The following FOXO1 variants were observed in gnomAD, a reference collection of about 807,000 sequenced individuals.
The protein encoded by FOXO1 is forkhead box protein O1.
A neutral mutation model predicts 44.1 loss-of-function variants in FOXO1; 6 were observed. That is an observed-to-expected ratio of 0.14 (90% confidence interval 0.07 to 0.27). FOXO1 has a LOEUF of 0.27. FOXO1 is among the 10% of genes least tolerant of loss of function. FOXO1 has a pLI of 1.00. For missense variants in FOXO1, 737 were observed against 888.8 expected (o/e 0.83, Z 2.17); for synonymous variants, 380 against 362.7 (o/e 1.05, Z -0.54).
intron 1 of FOXO1, among the ~76,000 whole-genome samples, chr13:40,630,512 A>C (rs982606192): frequency 5.9e-5 from 9 of 152,076 alleles, no homozygotes; most frequent in Non-Finnish European, 1.0e-4. Flanking sequence ...AAATGTAGCC[A>C]GGTGCAGTGG....
intron 1 of FOXO1, among the ~76,000 whole-genome samples, chr13:40,594,598 A>G (rs1395413147): frequency 6.6e-6 from 1 of 152,192 alleles, no homozygotes; most frequent in South Asian, 2.1e-4. Flanking sequence ...TTTCTCCAAT[A>G]AAGAGCACAA....
intron 1 of FOXO1, among the ~76,000 whole-genome samples, chr13:40,661,539 C>T (rs1566088086): frequency 2.0e-5 from 3 of 152,102 alleles, no homozygotes; most frequent in Admixed American, 1.3e-4. Flanking sequence ...TCAGGCAATC[C>T]GCCCACCTTA....
chr13:40,621,270 G>T lies in FOXO1; in HGVS notation c.630+44313C>A. On this transcript the variant is annotated intron_variant, in intron 1 of 2. Transcript: ENST00000379561. ...GCATGAATTTCATATTCATTGTACT[G>T]ACCGATGGCTCTCAGAGAATTTCAC... 3 of 802,868 alleles carry T rather than the reference G, an allele frequency of 3.7e-6. No homozygotes were observed. The South Asian group carries it at 4.7e-5, about 13-fold the overall frequency. 49.7% of individuals were successfully genotyped at this position (802,868 alleles called of 1,614,324 possible).
At chr13:40,610,067 T>C (rs1296805666) in intron 1 of FOXO1, among the ~76,000 whole-genome samples, 1 of 152,186 alleles carries the variant, frequency 6.6e-6, no homozygotes, top group Non-Finnish European at 1.5e-5. Context: ...TCGACGTAAC[T>C]GCTTTCCTTT....
At chr13:40,567,298 CGT>C (rs1874306702) in intron 1 of FOXO1, among the ~76,000 whole-genome samples, 1 of 151,888 alleles carries the variant, frequency 6.6e-6, no homozygotes, top group Non-Finnish European at 1.5e-5. Context: ...CTTCATACCC[CGT>C]GTTTTATATT....
chr13:40,653,431 G>A (rs765920261), intron 1 of FOXO1, among the ~76,000 whole-genome samples: 4 of 152,220 alleles, frequency 2.6e-5, no homozygotes, highest in East Asian at 1.9e-4. Flanking sequence ...CCTGGTACCC[G>A]CAGAGGAAAT....
chr13:40,654,322 TAAAAAAAAAAAAAAA>T (rs11344939), intron 1 of FOXO1, among the ~76,000 whole-genome samples: 97 of 48,212 alleles, frequency 2.0e-3, no homozygotes, highest in Admixed American at 9.0e-3. Flanking sequence ...CTAAAAATAC[TAAAAAAAAAAAAAAA>T]AAAAAAAAAA....
intron 1 of FOXO1, among the ~76,000 whole-genome samples, chr13:40,617,275 G>A (rs1416112203): frequency 2.0e-5 from 3 of 152,002 alleles, no homozygotes; most frequent in African/African-American, 4.8e-5. Context: ...GAGAAGACTC[G>A]CCTCTACTAA....
chr13:40,558,156 A>G lies in FOXO1; in HGVS notation c.*893T>C, dbSNP rs1368741309. 1 of 152,630 alleles carries G rather than the reference A, an allele frequency of 6.6e-6. No homozygotes were observed. Among genetic ancestry groups the G allele is most frequent in the Non-Finnish European group, 1.5e-5 (1 of 68,034 alleles). The allele number at this position is 152,630 out of a possible 1,614,324, so 9.5% of individuals were successfully genotyped here. A position where few individuals can be genotyped will look rare whatever the true frequency, so the allele number is the denominator to read the frequency against. On this transcript the variant is annotated 3_prime_UTR_variant, in exon 3 of 3. Coordinates refer to ENST00000379561, the MANE Select transcript of FOXO1 (RefSeq NM_002015.4). ...TAATCCAGTTAGAATACAAAATGAA[A>G]ATTATGAATGCTGCCCCAAATACCT... is the stretch of plus-strand genomic sequence containing the variant.
rs572840244 is a variant in FOXO1, at chr13:40,632,933, GA to G, written c.630+32649del. On this transcript the variant is annotated intron_variant, in intron 1 of 2. Transcript: ENST00000379561. ...TCTCAAAAAAAAAAAAAAAGGAAAA[GA>G]AAAAAAAAGGGCGAAGGATCTGAGT... Among the ~76,000 whole-genome samples, 8 of 141,210 alleles carry G rather than the reference GA, an allele frequency of 5.7e-5. No homozygotes were observed. In the East Asian group the frequency reaches 6.1e-4, roughly 11 times the overall value. The allele number at this position is 141,210 out of a possible 152,430, so 92.6% of individuals were successfully genotyped here. A position where few individuals can be genotyped will look rare whatever the true frequency, so the allele number is the denominator to read the frequency against.
chr13:40,599,406 A>G (rs1438206134), intron 1 of FOXO1, among the ~76,000 whole-genome samples: 1 of 152,212 alleles, frequency 6.6e-6, no homozygotes, highest in Non-Finnish European at 1.5e-5. Context: ...CCACAGCCTT[A>G]CACGATTGGC....
chr13:40,589,034 G>A (rs1460548988), intron 1 of FOXO1, among the ~76,000 whole-genome samples: 1 of 152,154 alleles, frequency 6.6e-6, no homozygotes, highest in East Asian at 1.9e-4. Flanking sequence ...GAATCCAGCA[G>A]GCAGAGGTTG....
At chr13:40,570,815 A>G (rs1166786717) in intron 1 of FOXO1, among the ~76,000 whole-genome samples, 1 of 152,218 alleles carries the variant, frequency 6.6e-6, no homozygotes, top group Admixed American at 6.5e-5. Context: ...ATTCAATACT[A>G]TGGGCTCTAT....
In FOXO1 at chr13:40,569,057, T is replaced by C. The variant is rs543277125; in HGVS notation, c.631-8197A>G. ...CCTTACCTATGGTCTCAAACCGCTA[T>C]AGACACAAATTTAGTTACACAGCTT... On this transcript the variant is annotated intron_variant, in intron 1 of 2. Transcript: ENST00000379561. Among the ~76,000 whole-genome samples the C allele has an allele frequency of 4.7e-4, 71 of 152,358 alleles. 2 individuals carry two copies. The South Asian group carries it at 0.013, about 29-fold the overall frequency.
rs768972372 is a variant in FOXO1 at position 40,575,174 on chromosome 13, TA to T, written c.631-14315del. ...CAATGAGACCATCCTGTCTCTACAT[TA>T]AAAAAAAAAAAATCAAAAAGTTAGG... On this transcript the variant is annotated intron_variant, in intron 1 of 2. Coordinates refer to ENST00000379561, the MANE Select transcript of FOXO1 (RefSeq NM_002015.4). Among the ~76,000 whole-genome samples the T allele has an allele frequency of 4.1e-3, 584 of 143,792 alleles. 4 individuals carry two copies. The highest frequency in any genetic ancestry group is 0.021 in the East Asian group (106 of 4,988). The allele number at this position is 143,792 out of a possible 152,430, so 94.3% of individuals were successfully genotyped here.
At chr13:40,576,900 A>T (rs1261129252) in intron 1 of FOXO1, among the ~76,000 whole-genome samples, 4 of 152,166 alleles carry the variant, frequency 2.6e-5, no homozygotes, top group African/African-American at 9.7e-5. Context: ...TTGAAGGTTT[A>T]TTTTTGTTCC....
chr13:40,619,450 A>G, intron 1 of FOXO1: 2 of 1,215,768 alleles, frequency 1.6e-6, no homozygotes, highest in Non-Finnish European at 2.4e-6. Flanking sequence ...TCAAAATTGG[A>G]GAGCTGTGAG....
intron 1 of FOXO1, among the ~76,000 whole-genome samples, chr13:40,635,997 G>C (rs753917677): frequency 6.6e-6 from 1 of 152,186 alleles, no homozygotes; most frequent in Non-Finnish European, 1.5e-5. Context: ...ATCACCTGAG[G>C]TCGGGAGTTC....
At chr13:40,620,825 G>GTC (rs1326990464) in intron 1 of FOXO1, among the ~76,000 whole-genome samples, 2 of 109,630 alleles carry the variant, frequency 1.8e-5, no homozygotes, top group African/African-American at 7.3e-5. Context: ...TTGAGATGGA[G>GTC]TCTCACTCAG....
Sources: allele counts gnomAD v4.1 joint callset (sites outside exome capture counted in the v4.1 genomes callset), GRCh38; gene constraint gnomAD v4.1.1; transcripts MANE v1.5; gene names NCBI Gene and HGNC (gene_info 2026-07-23, HGNC 2026-07-21).